The following TPM1 variants were observed in gnomAD, a reference collection of about 807,000 sequenced individuals.
The protein encoded by TPM1 is tropomyosin alpha-1 chain.
TPM1 carries 24 observed loss-of-function variants against 42.9 expected under a neutral mutation model. The observed-to-expected ratio is 0.56, with a 90% CI of 0.41 to 0.79. The LOEUF is 0.79. Ranked by LOEUF, TPM1 falls within the 30% of genes least tolerant of loss-of-function variation. The pLI is 0.00. For synonymous variants in TPM1, 136 were observed against 130.1 expected (o/e 1.05, Z -0.31); for missense variants, 158 against 351.8 (o/e 0.45, Z 4.41).
intron 8 of TPM1, chr15:63,063,204 T>C (rs897957716): frequency 2.0e-6 from 2 of 985,342 alleles, no homozygotes; most frequent in East Asian, 1.1e-4. Context: ...ATCTCACAGA[T>C]ATCCTAAATG....
chr15:63,064,455 A>G (rs1403665423), intron 9 of TPM1: 1 of 1,178,722 alleles, frequency 8.5e-7, no homozygotes, highest in Non-Finnish European at 1.1e-6. Context: ...AAGTAAAACT[A>G]GAAGGCCATG....
chr15:63,062,528 A>T, intron 7 of TPM1, 48 bp from the exon 8 acceptor site: 1 of 1,595,048 alleles, frequency 6.3e-7, no homozygotes. Context: ...GTTTGTAGCT[A>T]CAGGAAACAT....
chr15:63,052,743 GAA>G (rs2034136470), intron 2 of TPM1, among the ~76,000 whole-genome samples: 1 of 150,374 alleles, frequency 6.7e-6, no homozygotes, highest in Admixed American at 6.6e-5. Flanking sequence ...AAGAACCTTA[GAA>G]AATATTGAAA....
At chr15:63,045,682 A>T (rs770564256) in intron 2 of TPM1, 1 of 152,262 alleles carries the variant, frequency 6.6e-6, no homozygotes, top group Admixed American at 6.5e-5. Context: ...AGGGAAAAAA[A>T]TAGGATAATA....
chr15:63,068,181 C>T (rs924642954), downstream of TPM1, among the ~76,000 whole-genome samples: 1 of 152,100 alleles, frequency 6.6e-6, no homozygotes, highest in African/African-American at 2.4e-5. Context: ...TGCAAAACAC[C>T]GTGGGAAGCA....
exon 9 of TPM1, chr15:63,071,873 T>C (rs1328634807): frequency 2.6e-5 from 4 of 153,054 alleles, no homozygotes; most frequent in Admixed American, 2.6e-4. Context: ...AAACATTGTA[T>C]AATGATATGG....
At chr15:63,043,615 A>C in intron 1 of TPM1, 2 of 1,524,100 alleles carry the variant, frequency 1.3e-6, no homozygotes, top group South Asian at 1.2e-5. Flanking sequence ...CCCGAGCCCG[A>C]GGGGCCCCAG....
At chr15:63,065,748 C>A in intron 9 of TPM1, 148 bp from the exon 10 acceptor site, 2 of 1,384,092 alleles carry the variant, frequency 1.4e-6, no homozygotes, top group South Asian at 1.4e-5. Context: ...GGATGTCCTT[C>A]CAAGGGTGTG....
chr15:63,069,309 A>T (rs1418617138), downstream of TPM1, among the ~76,000 whole-genome samples: 1 of 152,170 alleles, frequency 6.6e-6, no homozygotes, highest in African/African-American at 2.4e-5. Context: ...ACAGAGACTT[A>T]ATTCCAAATT....
downstream of TPM1, chr15:63,070,853 T>G: frequency 7.6e-7 from 1 of 1,312,312 alleles, no homozygotes; most frequent in Non-Finnish European, 9.8e-7. Flanking sequence ...CAGTGAATTG[T>G]TGGTGGAGGT....
intron 4 of TPM1, chr15:63,059,922 C>G (rs2035378570): frequency 2.7e-6 from 1 of 373,644 alleles, no homozygotes; most frequent in Admixed American, 3.7e-5. Context: ...AAACTCCTCT[C>G]CCCCAGCCAC....
intron 2 of TPM1, chr15:63,048,452 C>T (rs1474751848): frequency 7.4e-7 from 1 of 1,359,844 alleles, no homozygotes; most frequent in Non-Finnish European, 9.4e-7. Context: ...GCCGCCATCG[C>T]ACAGAGAGGC....
chr15:63,055,904 C>T (rs1396405273), intron 2 of TPM1: 1 of 152,198 alleles, frequency 6.6e-6, no homozygotes, highest in Non-Finnish European at 1.5e-5. Context: ...AAAATCATTG[C>T]CTCTCAAAGA....
Position 63,062,332 on chromosome 15 carries a change from T to G in TPM1, c.702+55T>G. The G allele has an allele frequency of 8.4e-6, 13 of 1,553,140 alleles. No individual in the cohort carries two copies. The South Asian group carries it at 1.4e-4, about 17-fold the overall frequency. On this transcript the variant is annotated intron_variant, in intron 7 of 9. Coordinates refer to ENST00000403994, the MANE Select transcript of TPM1 (RefSeq NM_001018005.2). ...TGGATTTTAAATGAGTTTGTTTTCATGGAACCGGTCAGGGCCTTTTCATTT... is the reference window on the plus strand; with the variant it reads ...TGGATTTTAAATGAGTTTGTTTTCAGGGAACCGGTCAGGGCCTTTTCATTT...
At chr15:63,061,112 T>TA in intron 5 of TPM1, 173 bp downstream of exon 5, 1 of 1,487,412 alleles carries the variant, frequency 6.7e-7, no homozygotes, top group East Asian at 2.3e-5. Flanking sequence ...TGGGGTGTCT[T>TA]ATGTATGAAT....
intron 8 of TPM1, 129 bp from the exon 9 acceptor site, chr15:63,063,935 C>A: frequency 3.6e-6 from 5 of 1,389,072 alleles, no homozygotes; most frequent in Non-Finnish European, 3.9e-6. Context: ...GCTGCGGCAC[C>A]AACCCCTTCA....
At chr15:63,056,340 G>C (rs1369461548) in intron 2 of TPM1, 1 of 153,092 alleles carries the variant, frequency 6.5e-6, no homozygotes, top group Non-Finnish European at 1.5e-5. Context: ...TGACGCTCTT[G>C]TTTAACAGGC....
chr15:63,063,784 A>G (rs2035958819), intron 8 of TPM1: 1 of 389,270 alleles, frequency 2.6e-6, no homozygotes, highest in South Asian at 4.2e-5. Context: ...ACAATTTAAC[A>G]TGGTTTACTG....
intron 1 of TPM1, 165 bp from the exon 2 acceptor site, chr15:63,043,862 A>T: frequency 6.5e-7 from 1 of 1,549,480 alleles, no homozygotes; most frequent in Non-Finnish European, 8.7e-7. Context: ...GGCGTGGCGC[A>T]CGAATGGCTA....
Sources: gnomAD v4.1 joint callset for allele counts (sites outside exome capture counted in the v4.1 genomes callset) on GRCh38, gnomAD v4.1.1 for gene constraint, MANE v1.5 for transcripts, NCBI Gene and HGNC (gene_info 2026-07-23, HGNC 2026-07-21) for gene names.